Variants in ARID1B observed in about 807,000 individuals in gnomAD.
ARID1B encodes AT-rich interactive domain-containing protein 1B.
Under a neutral mutation model 212.3 loss-of-function variants are expected in ARID1B, and 30 were observed. The observed-to-expected ratio is 0.14, with a 90% CI of 0.11 to 0.19. The LOEUF is 0.19. Among genes scored for constraint, ARID1B ranks in the 10% least tolerant of loss-of-function variants. ARID1B has a pLI of 1.00. For missense variants in ARID1B, 2,891 were observed against 3,204.0 expected (o/e 0.90, Z 2.36); for synonymous variants, 1,402 against 1,301.7 (o/e 1.08, Z -1.66).
intron 8 of ARID1B, chr6:157,166,790 A>C: frequency 2.6e-6 from 1 of 387,582 alleles, no homozygotes; most frequent in Non-Finnish European, 4.5e-6. Flanking sequence ...AACCTGGAAC[A>C]CTTGACATGA....
At chr6:157,191,889 C>T (rs1793404850) in intron 15 of ARID1B, among the ~76,000 whole-genome samples, 1 of 152,134 alleles carries the variant, frequency 6.6e-6, no homozygotes, top group Admixed American at 6.5e-5. Flanking sequence ...TGGAGAGAAG[C>T]ATAAAGCCCA....
At chr6:157,178,490 C>A (rs1223127329) in intron 11 of ARID1B, among the ~76,000 whole-genome samples, 1 of 152,126 alleles carries the variant, frequency 6.6e-6, no homozygotes, top group Non-Finnish European at 1.5e-5. Flanking sequence ...AAACTGAGGC[C>A]CTGGTTCAGC....
rs1212479357 is a variant in ARID1B at position 157,206,794 on chromosome 6, C to T, written c.6022C>T (p.Pro2008Ser). The change falls in exon 20 of 20, where the codon CCA (proline) becomes TCA (serine). Residue 2008 changes from proline (P) to serine (S), a missense_variant. Pro to Ser is a moderately conservative substitution (Grantham distance 74). Coordinates refer to ENST00000636930, the MANE Select transcript of ARID1B (RefSeq NM_001374828.1). The surrounding 1 kb of genome is among the most constrained non-coding windows in gnomAD (Gnocchi z 6.8). ...ATIDDVLSAR[P>S]GALPEDANPG... ...CATCGATGACGTCCTCTCTGCTCGG[C>T]CAGGGGCATTGCCTGAAGACGCAAA... 1.5e-5 allele frequency: 24 copies of T among 1,613,842 alleles called. No homozygotes were observed. The highest frequency in any genetic ancestry group is 1.9e-5 in the Non-Finnish European group (22 of 1,180,042).
At chr6:157,106,122 T>C (rs553499383) in intron 5 of ARID1B, among the ~76,000 whole-genome samples, 38 of 152,098 alleles carry the variant, frequency 2.5e-4, no homozygotes, top group Non-Finnish European at 5.1e-4. Context: ...CTGGAAACTG[T>C]CTAAATGCCC....
intron 6 of ARID1B, among the ~76,000 whole-genome samples, chr6:157,127,961 C>CAA (rs1279121300): frequency 0.017 from 1,467 of 88,360 alleles, 35 homozygotes; most frequent in African/African-American, 0.049. Context: ...GACTTCATCT[C>CAA]AAAAAAAAAA....
chr6:156,784,068 ATAAAATT>A (rs920298072), intron 1 of ARID1B, among the ~76,000 whole-genome samples: 3 of 152,120 alleles, frequency 2.0e-5, no homozygotes, highest in Non-Finnish European at 4.4e-5. Flanking sequence ...GTTGGATGTT[ATAAAATT>A]TTTATGACAT....
rs549928918 is a variant in ARID1B at position 157,148,924 on chromosome 6, A to C, written c.3062A>C (p.Gln1021Pro). ...CAGGAGGCAGCCGCAGCAGTGATGC[A>C]GGCTGCTGCGAACTCAGCACAAAGC... ...KAQEAAAAVM[Q>P]AAANSAQSRQ... The change falls in exon 8 of 20, where the codon CAG becomes CCG. Residue 1021 changes from glutamine to proline, a missense_variant. Physicochemically the swap from Gln to Pro is moderately conservative, Grantham distance 76. Around this residue, in one of 7 missense-constraint regions of ARID1B, gnomAD observed 1,643 missense variants for 1,544.0 expected, o/e 1.06. Transcript: ENST00000636930. This position sits in a 1 kb window ranked among gnomAD's most constrained non-coding sequence, Gnocchi z 5.6. 6.2e-7 allele frequency: 1 copy of C among 1,612,396 alleles called. No individual in the cohort carries two copies. The highest frequency in any genetic ancestry group is 2.2e-5 in the East Asian group (1 of 44,872).
intron 2 of ARID1B, among the ~76,000 whole-genome samples, chr6:156,843,329 G>A (rs1784022892): frequency 6.6e-6 from 1 of 152,092 alleles, no homozygotes. Context: ...GTGTTTCACT[G>A]GAAAGAAAAA....
At position 156,893,775 on chromosome 6, in the gene ARID1B, A is replaced by G. The variant is rs190567683; in HGVS notation, c.1987-7601A>G. Among the ~76,000 whole-genome samples, 9 of 152,330 alleles carry G rather than the reference A, an allele frequency of 5.9e-5. No individual in the cohort carries two copies. The East Asian group carries it at 1.7e-3, about 29-fold the overall frequency. On this transcript the variant is annotated intron_variant, in intron 2 of 19. Coordinates refer to ENST00000636930, the MANE Select transcript of ARID1B (RefSeq NM_001374828.1). ...GTACAGCTGATATTTAATATTAAGA[A>G]AAACCCAGAAAATACCAAGTGTTGT... is the stretch of plus-strand genomic sequence containing the variant.
intron 3 of ARID1B, among the ~76,000 whole-genome samples, chr6:156,925,454 G>A (rs1791139911): frequency 6.6e-6 from 1 of 152,070 alleles, no homozygotes; most frequent in Non-Finnish European, 1.5e-5. Context: ...GTCACAGTGA[G>A]CTATGATTGT....
intron 3 of ARID1B, among the ~76,000 whole-genome samples, chr6:156,905,003 G>A (rs988257449): frequency 6.6e-6 from 1 of 152,030 alleles, no homozygotes; most frequent in Non-Finnish European, 1.5e-5. Context: ...CATTTATCTT[G>A]TTATGAGTAA....
At chr6:157,175,756 A>C (rs1792055953) in intron 11 of ARID1B, 1 of 152,146 alleles carries the variant, frequency 6.6e-6, no homozygotes, top group Non-Finnish European at 1.5e-5. Flanking sequence ...TGACCCTAGA[A>C]GTGGGCCTTT....
chr6:157,127,599 G>A (rs1370437001), intron 6 of ARID1B, among the ~76,000 whole-genome samples: 4 of 150,668 alleles, frequency 2.7e-5, no homozygotes, highest in African/African-American at 7.3e-5. Context: ...GTGAAACCCG[G>A]TCTCTACTAA....
chr6:157,143,756 C>T (rs141143414), intron 7 of ARID1B, among the ~76,000 whole-genome samples: 2 of 152,284 alleles, frequency 1.3e-5, no homozygotes, highest in Non-Finnish European at 2.9e-5. Context: ...CCTTTAGAAA[C>T]TATTTTTGTC....
At chr6:157,044,023 C>T (rs1782058838) in intron 4 of ARID1B, among the ~76,000 whole-genome samples, 1 of 152,164 alleles carries the variant, frequency 6.6e-6, no homozygotes, top group South Asian at 2.1e-4. Context: ...GTCCTTGCTT[C>T]CACGGATCTT....
intron 6 of ARID1B, among the ~76,000 whole-genome samples, chr6:157,116,710 G>T (rs1482404560): frequency 6.6e-6 from 1 of 151,914 alleles, no homozygotes; most frequent in Non-Finnish European, 1.5e-5. Context: ...GTGGCCATCA[G>T]ATCGGTGCTG....
Position 157,207,175 on chromosome 6 carries a change from T to C in ARID1B, c.6403T>C (p.Trp2135Arg). The C allele has an allele frequency of 6.2e-7, 1 of 1,613,522 alleles. No individual in the cohort carries two copies. The highest frequency in any genetic ancestry group is 8.5e-7 in the Non-Finnish European group (1 of 1,179,852). The change falls in exon 20 of 20, where the codon TGG becomes CGG. Residue 2135 changes from tryptophan to arginine, a missense_variant. By Grantham distance (101) the Trp-to-Arg change is moderately radical (BLOSUM62 -3). Around this residue, in one of 7 missense-constraint regions of ARID1B, gnomAD observed 41 missense variants for 40.4 expected, o/e 1.01. Coordinates refer to ENST00000636930, the MANE Select transcript of ARID1B (RefSeq NM_001374828.1). The surrounding 1 kb of genome is among the most constrained non-coding windows in gnomAD (Gnocchi z 8.5). ...DKGVACSKDE[W>R]WWDCLEVLRD... is the part of the protein sequence containing the mutation. ...GGGGGTGGCCTGCAGCAAAGATGAG[T>C]GGTGGTGGGACTGCCTCGAGGTCTT...
At chr6:157,080,334 A>G (rs1784563725) in intron 4 of ARID1B, among the ~76,000 whole-genome samples, 1 of 152,214 alleles carries the variant, frequency 6.6e-6, no homozygotes, top group South Asian at 2.1e-4. Context: ...AGCCACCAGT[A>G]TTGACTGAAT....
intron 4 of ARID1B, among the ~76,000 whole-genome samples, chr6:156,949,039 T>C (rs1309996746): frequency 6.6e-6 from 1 of 152,204 alleles, no homozygotes; most frequent in Non-Finnish European, 1.5e-5. Flanking sequence ...TCAGGTGGCA[T>C]TGAGTCACGT....
Sources: allele counts gnomAD v4.1 joint callset (sites outside exome capture counted in the v4.1 genomes callset), GRCh38; gene constraint gnomAD v4.1.1; regional missense constraint gnomAD v4.1.1; non-coding constraint Gnocchi (gnomAD v3.1); transcripts MANE v1.5; gene names NCBI Gene and HGNC (gene_info 2026-07-23, HGNC 2026-07-21).